ATG7: variants seen among roughly 807,000 people sequenced by gnomAD.
ATG7 encodes autophagy related 7.
A neutral mutation model predicts 82.4 loss-of-function variants in ATG7; 70 were observed. That is an observed-to-expected ratio of 0.85 (90% CI 0.70 to 1.04). The LOEUF is 1.04. Ranked by LOEUF, ATG7 falls within the 50% of genes least tolerant of loss-of-function variation. ATG7 has a pLI of 0.00. For synonymous variants in ATG7, 287 were observed against 313.0 expected, an observed-to-expected ratio of 0.92 and a Z score of 0.88; for missense variants, 792 against 864.3, an observed-to-expected ratio of 0.92 and a Z score of 1.05.
intron 20 of ATG7, among the ~76,000 whole-genome samples, chr3:11,529,000 C>T (rs1290291419): frequency 6.6e-6 from 1 of 151,922 alleles, no homozygotes; most frequent in Non-Finnish European, 1.5e-5. Context: ...TGGATGGGAA[C>T]TGCAAAGGTG....
At chr3:11,500,607 T>C (rs1201358956) in intron 20 of ATG7, among the ~76,000 whole-genome samples, 1 of 152,200 alleles carries the variant, frequency 6.6e-6, no homozygotes, top group Admixed American at 6.5e-5. Flanking sequence ...TTTTTGAGTA[T>C]AGATAATACA....
At chr3:11,439,427 G>A (rs2083675408) in intron 20 of ATG7, among the ~76,000 whole-genome samples, 1 of 152,140 alleles carries the variant, frequency 6.6e-6, no homozygotes, top group African/African-American at 2.4e-5. Context: ...GGAGGGAAGG[G>A]AATGTGAAAT....
intron 20 of ATG7, among the ~76,000 whole-genome samples, chr3:11,513,996 T>C (rs770822795): frequency 6.6e-6 from 1 of 152,228 alleles, no homozygotes; most frequent in African/African-American, 2.4e-5. Context: ...CCCAAGTAGC[T>C]AGAAGAACTA....
At chr3:11,277,892 C>CCT (rs1553596316) in intron 1 of ATG7, among the ~76,000 whole-genome samples, 1 of 26,986 alleles carries the variant, frequency 3.7e-5, no homozygotes, top group South Asian at 2.2e-3. Flanking sequence ...CCTTTATAGA[C>CCT]CCCCCCCCCC....
intron 3 of ATG7, among the ~76,000 whole-genome samples, chr3:11,283,871 G>A (rs1377681308): frequency 6.6e-6 from 1 of 152,206 alleles, no homozygotes; most frequent in Non-Finnish European, 1.5e-5. Context: ...GACGGAGGTT[G>A]CAGTGAGCCG....
intron 3 of ATG7, among the ~76,000 whole-genome samples, chr3:11,297,576 C>G (rs1320294763): frequency 6.6e-6 from 1 of 151,926 alleles, no homozygotes; most frequent in Non-Finnish European, 1.5e-5. Context: ...TGCATGATTG[C>G]CAGGAAGGTC....
chr3:11,309,132 A>G lies in ATG7; in HGVS notation c.411+71A>G, dbSNP rs1948232019. 3 of 1,375,924 alleles carry G rather than the reference A, an allele frequency of 2.2e-6. No individual in the cohort carries two copies. The African/African-American group carries it at 4.3e-5, about 20-fold the overall frequency. The allele number at this position is 1,375,924 out of a possible 1,614,324, so 85.2% of individuals were successfully genotyped here. ...TGGCTTAGCCCAGTGTACCAGTAGAACAGTCTGCTCTTCTCTCCGAAGCTA... is the reference window on the plus strand; with the variant it reads ...TGGCTTAGCCCAGTGTACCAGTAGAGCAGTCTGCTCTTCTCTCCGAAGCTA... On this transcript the variant is annotated intron_variant, in intron 7 of 20. Coordinates refer to ENST00000693202, the MANE Select transcript of ATG7 (RefSeq NM_001349232.2).
chr3:11,356,857 T>G (rs2075967703), intron 14 of ATG7, among the ~76,000 whole-genome samples: 1 of 152,186 alleles, frequency 6.6e-6, no homozygotes, highest in Non-Finnish European at 1.5e-5. Flanking sequence ...AAAATAGATG[T>G]GTGCTGTGCT....
At chr3:11,466,941 C>T (rs943778118) in intron 20 of ATG7, among the ~76,000 whole-genome samples, 13 of 152,098 alleles carry the variant, frequency 8.5e-5, no homozygotes, top group Admixed American at 2.6e-4. Flanking sequence ...ATCAGCCTGA[C>T]TAACATGGTG....
chr3:11,525,776 G>T (rs966721349), intron 20 of ATG7, among the ~76,000 whole-genome samples: 1 of 151,576 alleles, frequency 6.6e-6, no homozygotes, highest in East Asian at 2.0e-4. Flanking sequence ...GGATGGTCTC[G>T]ATCTCCTGAC....
Position 11,544,593 on chromosome 3 carries a change from C to T in ATG7, c.2080-10218C>T, listed in dbSNP as rs113170328. ...GCTGGCCTGCCACCCCAGCTGCTCC[C>T]GCCTGGGGATGCTCACAGTGCTTGC... On this transcript the variant is annotated intron_variant, in intron 20 of 20. Transcript: ENST00000693202. Among the ~76,000 whole-genome samples the T allele has an allele frequency of 8.4e-3, 1,282 of 152,348 alleles. 20 individuals carry two copies. The highest frequency in any genetic ancestry group is 0.029 in the African/African-American group (1,193 of 41,578).
chr3:11,284,659 C>T (rs907357825), intron 3 of ATG7, among the ~76,000 whole-genome samples: 2 of 151,894 alleles, frequency 1.3e-5, no homozygotes, highest in Admixed American at 1.3e-4. Flanking sequence ...TCAGGCGATC[C>T]TCCTGTCTCA....
intron 20 of ATG7, among the ~76,000 whole-genome samples, chr3:11,463,075 G>C (rs1014702207): frequency 2.6e-5 from 4 of 151,808 alleles, no homozygotes; most frequent in African/African-American, 4.8e-5. Context: ...AGTAGAGATG[G>C]GGTTTTGCCA....
chr3:11,415,345 T>C (rs1223019764), intron 19 of ATG7, among the ~76,000 whole-genome samples: 1 of 152,194 alleles, frequency 6.6e-6, no homozygotes, highest in Non-Finnish European at 1.5e-5. Context: ...ACTGTAGCCT[T>C]GAAAAACAAC....
At chr3:11,545,716 T>C (rs2071221821) in intron 20 of ATG7, among the ~76,000 whole-genome samples, 1 of 152,212 alleles carries the variant, frequency 6.6e-6, no homozygotes, top group South Asian at 2.1e-4. Context: ...GTCTCTCTGT[T>C]GTCAGCCCCC....
At chr3:11,429,166 G>A (rs539159916) in intron 20 of ATG7, among the ~76,000 whole-genome samples, 9 of 152,164 alleles carry the variant, frequency 5.9e-5, no homozygotes, top group East Asian at 3.9e-4. Context: ...GGCCTGCCCA[G>A]TTTGTTAAAT....
chr3:11,537,590 A>T lies in ATG7; in HGVS notation c.2080-17221A>T, dbSNP rs756304095. On this transcript the variant is annotated intron_variant, in intron 20 of 20. Coordinates refer to ENST00000693202, the MANE Select transcript of ATG7 (RefSeq NM_001349232.2). ...TTCTCTCAAAGATCCAGGGGTCACA[A>T]TGAGAGTGATTATAAAACAAACTAC... Among the ~76,000 whole-genome samples, 3 of 152,140 alleles carry T rather than the reference A, an allele frequency of 2.0e-5. No individual in the cohort carries two copies. The South Asian group carries it at 6.2e-4, about 32-fold the overall frequency.
At chr3:11,432,438 AT>A (rs1166068079) in intron 20 of ATG7, among the ~76,000 whole-genome samples, 2 of 131,972 alleles carry the variant, frequency 1.5e-5, no homozygotes, top group African/African-American at 5.7e-5. Flanking sequence ...CTAATGTTAC[AT>A]TTTTATGAAG....
intron 20 of ATG7, among the ~76,000 whole-genome samples, chr3:11,525,242 G>A (rs915225344): frequency 1.3e-5 from 2 of 151,216 alleles, no homozygotes; most frequent in South Asian, 2.1e-4. Context: ...TGTTGGCCAG[G>A]GTTGTCTCGG....
Sources: gnomAD v4.1 joint callset for allele counts (sites outside exome capture counted in the v4.1 genomes callset) on GRCh38, gnomAD v4.1.1 for gene constraint, MANE v1.5 for transcripts, NCBI Gene and HGNC (gene_info 2026-07-23, HGNC 2026-07-21) for gene names.